Variants in PCDH15 observed in about 807,000 individuals in gnomAD.
The protein encoded by PCDH15 is protocadherin-15.
PCDH15 carries 129 observed loss-of-function variants against 178.5 expected under a neutral mutation model. The observed-to-expected ratio is 0.72, with a 90% confidence interval of 0.63 to 0.84. The LOEUF (loss-of-function observed/expected upper bound fraction) is 0.84, where lower values mean the gene tolerates loss of function less well. PCDH15 is among the 40% of genes least tolerant of loss of function. The pLI is 0.00. For missense variants in PCDH15, 2,230 were observed against 2,099.9 expected, an observed-to-expected ratio of 1.06 and a Z score of -1.21; for synonymous variants, 800 against 732.0, an observed-to-expected ratio of 1.09 and a Z score of -1.50.
chr10:55,312,699 C>T (rs1325771290), intron 1 of PCDH15, among the ~76,000 whole-genome samples: 2 of 151,996 alleles, frequency 1.3e-5, no homozygotes, highest in Non-Finnish European at 2.9e-5. Flanking sequence ...CTCACCGCAA[C>T]CTCCGCCTTC....
rs1249312851 is a variant in PCDH15 at position 53,843,897 on chromosome 10, A to C, written c.3807-3401T>G. ...CCATTCCAGACACATGGAATACATC[A>C]GTGAACAAAATACAATCTTTGATGT... is the stretch of plus-strand genomic sequence containing the variant. On this transcript the variant is annotated intron_variant, in intron 28 of 37. Transcript: ENST00000644397. Among the ~76,000 whole-genome samples, 8 of 152,260 alleles carry C rather than the reference A, an allele frequency of 5.3e-5. No homozygotes were observed. In the East Asian group the frequency reaches 1.4e-3, roughly 26 times the overall value.
intron 2 of PCDH15, among the ~76,000 whole-genome samples, chr10:55,559,359 T>C (rs1842149162): frequency 6.6e-6 from 1 of 152,042 alleles, no homozygotes; most frequent in South Asian, 2.1e-4. Flanking sequence ...ATAATCAAAA[T>C]ACAGTGTAGT....
chr10:54,090,249 A>C (rs961768175), intron 15 of PCDH15, among the ~76,000 whole-genome samples, 186 bp from the exon 16 acceptor site: 5 of 152,244 alleles, frequency 3.3e-5, no homozygotes, highest in Admixed American at 2.6e-4. Flanking sequence ...ATTTCTGAAT[A>C]TGTAATCCTA....
At chr10:54,428,014 C>T (rs1956503919) in intron 3 of PCDH15, among the ~76,000 whole-genome samples, 1 of 152,074 alleles carries the variant, frequency 6.6e-6, no homozygotes, top group African/African-American at 2.4e-5. Context: ...GATATAGAAA[C>T]ATTAACTAAA....
intron 15 of PCDH15, among the ~76,000 whole-genome samples, chr10:54,111,511 C>A (rs7074276): frequency 0.76 from 114,843 of 152,092 alleles, 44,574 homozygotes; most frequent in East Asian, 1. Flanking sequence ...GGCTTTTGGC[C>A]TGAAGCAAAT....
chr10:54,096,580 T>C (rs535491007), intron 15 of PCDH15, among the ~76,000 whole-genome samples: 3 of 152,160 alleles, frequency 2.0e-5, no homozygotes, highest in Admixed American at 6.5e-5. Context: ...TTCAAGATCA[T>C]GGCACTAGCA....
chr10:54,639,173 T>C (rs1301885905), intron 2 of PCDH15, among the ~76,000 whole-genome samples: 12 of 152,138 alleles, frequency 7.9e-5, no homozygotes, highest in African/African-American at 2.9e-4. Context: ...AAATTCCAAA[T>C]ATATGCTTAT....
At chr10:55,467,921 C>G (rs1404262288) in intron 2 of PCDH15, among the ~76,000 whole-genome samples, 2 of 135,174 alleles carry the variant, frequency 1.5e-5, no homozygotes, top group Admixed American at 1.6e-4. Context: ...AAGCCGAGAT[C>G]GCGCCACTGC....
intron 2 of PCDH15, among the ~76,000 whole-genome samples, chr10:55,386,372 G>C (rs941373328): frequency 6.6e-6 from 1 of 151,836 alleles, no homozygotes; most frequent in African/African-American, 2.4e-5. Flanking sequence ...TATTTGAGGA[G>C]TTATTAAAAA....
intron 2 of PCDH15, among the ~76,000 whole-genome samples, chr10:55,397,143 A>T (rs1837949821): frequency 6.6e-6 from 1 of 152,170 alleles, no homozygotes; most frequent in Admixed American, 6.5e-5. Flanking sequence ...CTACAATAAT[A>T]TTTCTAGTAT....
At chr10:53,808,324 GTGTGTGTATA>G in intron 37 of PCDH15, 2 of 433,258 alleles carry the variant, frequency 4.6e-6, no homozygotes, top group Non-Finnish European at 2.8e-6. Flanking sequence ...TATATAGTGT[GTGTGTGTATA>G]TATATATATA....
At chr10:54,967,028 G>A (rs1838810611) in intron 2 of PCDH15, among the ~76,000 whole-genome samples, 2 of 152,240 alleles carry the variant, frequency 1.3e-5, no homozygotes, top group African/African-American at 4.8e-5. Flanking sequence ...CAGGCTGCAG[G>A]ACTGGTGTTA....
At chr10:54,290,852 C>T (rs1035313766) in intron 8 of PCDH15, among the ~76,000 whole-genome samples, 7 of 152,118 alleles carry the variant, frequency 4.6e-5, no homozygotes, top group African/African-American at 1.7e-4. Flanking sequence ...GCTAACTATC[C>T]TAAATATATA....
chr10:53,953,793 G>A (rs1192803836), intron 23 of PCDH15, among the ~76,000 whole-genome samples: 1 of 152,008 alleles, frequency 6.6e-6, no homozygotes, highest in African/African-American at 2.4e-5. Flanking sequence ...GTTTTGTTTT[G>A]TTTTGTTTTG....
At chr10:55,586,820 T>C (rs181515658) in intron 2 of PCDH15, among the ~76,000 whole-genome samples, 2 of 152,100 alleles carry the variant, frequency 1.3e-5, no homozygotes, top group Non-Finnish European at 2.9e-5. Flanking sequence ...GTCAAAAAAA[T>C]TATACCTCAA....
At chr10:55,540,618 G>A (rs1364505674) in intron 2 of PCDH15, among the ~76,000 whole-genome samples, 1 of 151,956 alleles carries the variant, frequency 6.6e-6, no homozygotes, top group African/African-American at 2.4e-5. Context: ...AATTAAAGAT[G>A]CTACTATAAA....
chr10:54,749,730 C>G (rs747725982), intron 1 of PCDH15, among the ~76,000 whole-genome samples: 19 of 152,062 alleles, frequency 1.2e-4, no homozygotes, highest in Non-Finnish European at 2.6e-4. Context: ...GATACAAAGG[C>G]AAATGCAATT....
At chr10:54,620,843 ACCT>A (rs1439032121) in intron 2 of PCDH15, among the ~76,000 whole-genome samples, 2 of 151,828 alleles carry the variant, frequency 1.3e-5, no homozygotes, top group Non-Finnish European at 1.5e-5. Flanking sequence ...TCCATACAAC[ACCT>A]CCTTTTTCCC....
intron 2 of PCDH15, chr10:54,608,003 G>A (rs761474977): frequency 1.7e-5 from 8 of 472,582 alleles, no homozygotes; most frequent in Non-Finnish European, 2.9e-5. Context: ...TTTGGTTATT[G>A]TGAGAAGACT....
Sources: allele counts gnomAD v4.1 joint callset (sites outside exome capture counted in the v4.1 genomes callset), GRCh38; gene constraint gnomAD v4.1.1; transcripts MANE v1.5; gene names NCBI Gene and HGNC (gene_info 2026-07-23, HGNC 2026-07-21).